OPCML: variants seen among roughly 807,000 people sequenced by gnomAD.
OPCML encodes opioid binding protein/cell adhesion molecule like.
Under a neutral mutation model 37.8 loss-of-function variants are expected in OPCML, and 13 were observed. The observed-to-expected ratio is 0.34, with a 90% CI of 0.22 to 0.55. The LOEUF (loss-of-function observed/expected upper bound fraction) is 0.55, where lower values mean the gene tolerates loss of function less well. OPCML is among the 20% of genes least tolerant of loss of function. The pLI is 0.91. For synonymous variants in OPCML, 176 were observed against 168.8 expected (o/e 1.04, Z -0.33); for missense variants, 341 against 435.6 (o/e 0.78, Z 1.93).
chr11:132,864,087 G>A (rs749670153), intron 2 of OPCML, among the ~76,000 whole-genome samples: 5 of 152,140 alleles, frequency 3.3e-5, no homozygotes, highest in East Asian at 1.9e-4. Context: ...GCAGGCATGC[G>A]CCACCAAGCC....
chr11:132,471,780 A>G (rs2136962807), intron 4 of OPCML, among the ~76,000 whole-genome samples: 1 of 152,306 alleles, frequency 6.6e-6, no homozygotes, highest in African/African-American at 2.4e-5. Context: ...TAATTTTATT[A>G]AGGATAGCCA....
intron 2 of OPCML, among the ~76,000 whole-genome samples, chr11:132,693,324 G>A (rs1943478230): frequency 6.6e-6 from 1 of 152,172 alleles, no homozygotes; most frequent in African/African-American, 2.4e-5. Flanking sequence ...ATGACCTATT[G>A]TTAATACATT....
intron 1 of OPCML, among the ~76,000 whole-genome samples, chr11:133,151,311 A>G (rs1949981726): frequency 6.6e-6 from 1 of 152,036 alleles, no homozygotes; most frequent in Non-Finnish European, 1.5e-5. Flanking sequence ...CCCCAGGGGA[A>G]AAAGAAAAAA....
chr11:132,451,209 A>G (rs2096067585), intron 4 of OPCML, among the ~76,000 whole-genome samples: 1 of 152,210 alleles, frequency 6.6e-6, no homozygotes, highest in Admixed American at 6.5e-5. Context: ...CATTTCCATC[A>G]ATTATTACTG....
At chr11:132,679,974 G>T (rs908110273) in intron 2 of OPCML, among the ~76,000 whole-genome samples, 6 of 152,176 alleles carry the variant, frequency 3.9e-5, no homozygotes. Context: ...GTAGATGCAA[G>T]AGTAGAGAAG....
chr11:133,453,271 C>G (rs1176276459), intron 1 of OPCML, among the ~76,000 whole-genome samples: 2 of 152,272 alleles, frequency 1.3e-5, no homozygotes, highest in South Asian at 2.1e-4. Flanking sequence ...AAAACTTAAT[C>G]AGAATGAGGT....
chr11:132,447,717 G>A (rs1456469062), intron 4 of OPCML, among the ~76,000 whole-genome samples: 2 of 152,368 alleles, frequency 1.3e-5, no homozygotes, highest in Middle Eastern at 3.4e-3. Context: ...CTGCTGTCAG[G>A]CCCTAGGGCC....
intron 1 of OPCML, among the ~76,000 whole-genome samples, chr11:133,052,809 G>A (rs1278231220): frequency 1.3e-5 from 2 of 152,196 alleles, no homozygotes; most frequent in Non-Finnish European, 2.9e-5. Context: ...GCCAGCACAT[G>A]GGGAACCTGC....
chr11:132,649,085 C>T (rs1275460893), intron 3 of OPCML, among the ~76,000 whole-genome samples: 1 of 151,980 alleles, frequency 6.6e-6, no homozygotes, highest in Non-Finnish European at 1.5e-5. Flanking sequence ...AAGAAACAGA[C>T]AAAACCCATG....
chr11:133,029,562 C>T (rs1249135103), intron 1 of OPCML, among the ~76,000 whole-genome samples: 1 of 152,140 alleles, frequency 6.6e-6, no homozygotes, highest in Non-Finnish European at 1.5e-5. Flanking sequence ...AAATTATGTT[C>T]TTTGCAGCAA....
At chr11:132,761,846 C>A (rs908467526) in intron 2 of OPCML, among the ~76,000 whole-genome samples, 1 of 152,096 alleles carries the variant, frequency 6.6e-6, no homozygotes, top group Non-Finnish European at 1.5e-5. Flanking sequence ...AGTTTTGTTC[C>A]ATTGCTGGTG....
At chr11:133,139,662 T>C (rs534086198) in intron 1 of OPCML, among the ~76,000 whole-genome samples, 150 of 152,260 alleles carry the variant, frequency 9.9e-4, no homozygotes, top group Non-Finnish European at 1.8e-3. Context: ...GGCTGATGAT[T>C]TAGGAGCTAT....
chr11:132,458,905 G>A (rs2096091497), intron 4 of OPCML, among the ~76,000 whole-genome samples: 1 of 152,068 alleles, frequency 6.6e-6, no homozygotes, highest in African/African-American at 2.4e-5. Flanking sequence ...AGGAAATAAA[G>A]CATTTAATAG....
At chr11:132,742,342 G>A (rs541283221) in intron 2 of OPCML, among the ~76,000 whole-genome samples, 36 of 152,300 alleles carry the variant, frequency 2.4e-4, no homozygotes, top group African/African-American at 7.7e-4. Flanking sequence ...ATAAATTCAC[G>A]AAGATGGAGT....
chr11:132,939,285 T>A (rs1413377000), intron 2 of OPCML, among the ~76,000 whole-genome samples: 1 of 152,206 alleles, frequency 6.6e-6, no homozygotes, highest in African/African-American at 2.4e-5. Flanking sequence ...CCCAGGTTGC[T>A]TTGGCAAAAT....
rs1272639503 is a variant in OPCML at position 133,487,298 on chromosome 11, C to T, written c.61+44966G>A. Among the ~76,000 whole-genome samples, 3 of 152,084 alleles carry T rather than the reference C, an allele frequency of 2.0e-5. No homozygotes were observed. The East Asian group carries it at 5.8e-4, about 29-fold the overall frequency. ...AGGGAGAAAATACTTCATCTTGCAG[C>T]GTGCTCCCCACTGGTCTTTTGTGAT... On this transcript the variant is annotated intron_variant, in intron 1 of 7. Coordinates refer to ENST00000524381, the MANE Select transcript of OPCML (RefSeq NM_001012393.5).
At chr11:132,615,976 C>G (rs1938982837) in intron 3 of OPCML, among the ~76,000 whole-genome samples, 1 of 152,196 alleles carries the variant, frequency 6.6e-6, no homozygotes, top group African/African-American at 2.4e-5. Flanking sequence ...GCCAATGAAT[C>G]TAGGCTACAC....
At position 133,151,740 on chromosome 11, in the gene OPCML, C is replaced by T. The variant is rs184541603; in HGVS notation, c.62-208730G>A. On this transcript the variant is annotated intron_variant, in intron 1 of 7. Coordinates refer to ENST00000524381, the MANE Select transcript of OPCML (RefSeq NM_001012393.5). ...CCTGGTTCCCACCTGTGTTCTATCA[C>T]GGGATCAGTTAGGGCTTCTCGAGAG... Among the ~76,000 whole-genome samples, 131 of 152,274 alleles carry T rather than the reference C, an allele frequency of 8.6e-4. 1 individual carries two copies. In the Middle Eastern group the frequency reaches 0.01, roughly 12 times the overall value.
intron 2 of OPCML, among the ~76,000 whole-genome samples, chr11:132,667,308 C>T (rs1942266361): frequency 6.6e-6 from 1 of 152,178 alleles, no homozygotes; most frequent in African/African-American, 2.4e-5. Context: ...GCCTGCATAT[C>T]ACCTGTGCAT....
Sources: gnomAD v4.1 joint callset for allele counts (sites outside exome capture counted in the v4.1 genomes callset) on GRCh38, gnomAD v4.1.1 for gene constraint, MANE v1.5 for transcripts, NCBI Gene and HGNC (gene_info 2026-07-23, HGNC 2026-07-21) for gene names.